PIEZO1: variants seen among roughly 807,000 people sequenced by gnomAD.
PIEZO1 encodes piezo type mechanosensitive ion channel component 1 (Er blood group).
In PIEZO1, 296 loss-of-function variants were observed where a neutral mutation model predicts 297.2. The ratio of observed to expected loss-of-function variants is 1.00; its 90% CI spans 0.91 to 1.10. PIEZO1 has a LOEUF of 1.10. PIEZO1 is among the 50% of genes least tolerant of loss of function. The probability of loss-of-function intolerance (pLI) is 0.00; values close to 1 mark genes in which losing one functional copy is unlikely to be tolerated. For missense variants in PIEZO1, 5,018 were observed against 3,455.5 expected, an observed-to-expected ratio of 1.45 and a Z score of -11.34; for synonymous variants, 2,427 against 1,507.5, an observed-to-expected ratio of 1.61 and a Z score of -14.13.
At chr16:88,723,671 G>C (rs757434503) in intron 31 of PIEZO1, among the ~76,000 whole-genome samples, 200 bp downstream of exon 31, 2 of 152,276 alleles carry the variant, frequency 1.3e-5, no homozygotes, top group Non-Finnish European at 2.9e-5. Flanking sequence ...CCGTGGGGCA[G>C]CAGGCTACAC....
At chr16:88,757,327 T>TTTGGGGGGGGGGGGGG (rs1906720153) in intron 1 of PIEZO1, among the ~76,000 whole-genome samples, 1 of 42,700 alleles carries the variant, frequency 2.3e-5, no homozygotes, top group Non-Finnish European at 5.2e-5. Flanking sequence ...GGCGGGGGGG[T>TTTGGGGGGGGGGGGGG]GGGGGGTAGT....
chr16:88,741,566 A>G lies in PIEZO1; in HGVS notation c.377T>C (p.Leu126Pro). 6.5e-7 allele frequency: 1 copy of G among 1,535,656 alleles called. No individual in the cohort carries two copies. Among genetic ancestry groups the G allele is most frequent in the Non-Finnish European group, 8.7e-7 (1 of 1,146,748 alleles). The change falls in exon 5 of 51, where the codon CTG becomes CCG. Residue 126 changes from leucine to proline, a missense_variant. By Grantham distance (98) the Leu-to-Pro change is moderately conservative. Transcript: ENST00000301015. ...PNAIRLVAPDLGILVVSSVCL... is the reference protein window; with the variant it reads ...PNAIRLVAPDPGILVVSSVCL... ...GACAGAGGAGACCACCAAGATGCCC[A>G]GGTCAGGGGCCACCAGCCGGATGGC... is the stretch of plus-strand genomic sequence containing the variant.
Position 88,734,496 on chromosome 16 carries a change from G to A in PIEZO1, c.2040C>T (p.Leu680=), listed in dbSNP as rs761259080. ...LGLEQFSVSE[L]FSSILVPGFF... ...AGCCGGGCACCAGGATGCTGGAGAAGAGCTCGGACACGCTGAACTGCTCCA... is the reference window on the plus strand; with the variant it reads ...AGCCGGGCACCAGGATGCTGGAGAAAAGCTCGGACACGCTGAACTGCTCCA... The change falls in exon 16 of 51, where the codon CTC becomes CTT. Residue 680 remains leucine, a synonymous_variant. Coordinates refer to ENST00000301015, the MANE Select transcript of PIEZO1 (RefSeq NM_001142864.4). 1 of 1,548,986 alleles carries A rather than the reference G, an allele frequency of 6.5e-7. No individual in the cohort carries two copies. The highest frequency in any genetic ancestry group is 8.7e-7 in the Non-Finnish European group (1 of 1,146,300).
intron 2 of PIEZO1, 70 bp from the exon 3 acceptor site, chr16:88,742,492 G>C: frequency 6.8e-7 from 1 of 1,477,872 alleles, no homozygotes. Context: ...CCGCTCAGCC[G>C]GACAATAGCC....
chr16:88,720,564 T>TTGCCCCCCCCCCCC, intron 40 of PIEZO1, 32 bp from the exon 41 acceptor site: 2 of 1,542,066 alleles, frequency 1.3e-6, no homozygotes, highest in South Asian at 1.2e-5. Context: ...CTGGGCCCAG[T>TTGCCCCCCCCCCCC]ACCCGCCTCC....
At position 88,715,871 on chromosome 16, in the gene PIEZO1, T is replaced by C; in HGVS notation, c.7317-17A>G. 1 of 1,548,598 alleles carries C rather than the reference T, an allele frequency of 6.5e-7. No homozygotes were observed. Among genetic ancestry groups the C allele is most frequent in the Non-Finnish European group, 8.7e-7 (1 of 1,145,804 alleles). On this transcript the variant is annotated splice_polypyrimidine_tract_variant and intron_variant, in intron 50 of 50. Coordinates refer to ENST00000301015, the MANE Select transcript of PIEZO1 (RefSeq NM_001142864.4). Reference sequence around the variant, plus strand: ...CCCATGATGCTGCGGGGGAAGCTGGTGAGTCCTGGGGCCGCCCGGAGCCCC... The same window carrying C: ...CCCATGATGCTGCGGGGGAAGCTGGCGAGTCCTGGGGCCGCCCGGAGCCCC...
rs1383996560 is a variant in PIEZO1 at position 88,734,463 on chromosome 16, G to A, written c.2073C>T (p.Leu691=). Residue 691 remains leucine (L), a synonymous_variant, in exon 16 of 51, where the codon CTC becomes CTT. Transcript: ENST00000301015. Reference sequence around the variant, plus strand: ...AGTGCAGCTGCAGGATGCAGGCCAGGAGGAAGAAGCCGGGCACCAGGATGC... The same window carrying A: ...AGTGCAGCTGCAGGATGCAGGCCAGAAGGAAGAAGCCGGGCACCAGGATGC... ...FSSILVPGFF[L]LACILQLHYF... 2.6e-6 allele frequency: 4 copies of A among 1,549,990 alleles called. No individual in the cohort carries two copies. The highest frequency in any genetic ancestry group is 2.0e-5 in the Admixed American group (1 of 51,008).
At chr16:88,771,408 G>A (rs1242373755) in intron 1 of PIEZO1, among the ~76,000 whole-genome samples, 3 of 152,186 alleles carry the variant, frequency 2.0e-5, no homozygotes, top group South Asian at 2.1e-4. Context: ...CAGGCCAGGC[G>A]GGGCTCCCAT....
chr16:88,775,792 G>A lies in PIEZO1; in HGVS notation c.64+9109C>T, dbSNP rs374810561. Among the ~76,000 whole-genome samples the A allele has an allele frequency of 1.5e-4, 23 of 152,076 alleles. No individual in the cohort carries two copies. In the East Asian group the frequency reaches 2.1e-3, roughly 14 times the overall value. ...AGGGCAGGACAGGAGTGGCAGCCAA[G>A]GGTAGGGAGAGTATGTGCAGGAGGC... On this transcript the variant is annotated intron_variant, in intron 1 of 50. Transcript: ENST00000301015.
chr16:88,716,429 G>A lies in PIEZO1; in HGVS notation c.6981C>T (p.Ala2327=). Residue 2327 remains alanine (A), a synonymous_variant, in exon 48 of 51, where the codon GCC becomes GCT. Coordinates refer to ENST00000301015, the MANE Select transcript of PIEZO1 (RefSeq NM_001142864.4). ...VEYANEKHML[A]LAPNSTARRQ... is the part of the protein sequence containing the mutation. ...GCCGTGCAGTGCTGTTGGGGGCCAG[G>A]GCCAGCATGTGCTTCTCGTTGGCAT... 6.5e-7 allele frequency: 1 copy of A among 1,549,810 alleles called. No homozygotes were observed. Among genetic ancestry groups the A allele is most frequent in the African/African-American group, 1.4e-5 (1 of 73,182 alleles).
chr16:88,715,365 CATTTTTTAATTAAAA>C lies in PIEZO1; in HGVS notation c.*225_*239del, dbSNP rs1911905137. ...TGATTGTCCATTTGTATAAATAAAA[CATTTTTTAATTAAAA>C]AAAAAACTCTACAGTACACGTGGGG... On this transcript the variant is annotated 3_prime_UTR_variant, in exon 51 of 51. Coordinates refer to ENST00000301015, the MANE Select transcript of PIEZO1 (RefSeq NM_001142864.4). 3.3e-6 allele frequency: 4 copies of C among 1,206,306 alleles called. No homozygotes were observed. Among genetic ancestry groups the C allele is most frequent in the Non-Finnish European group, 4.6e-6 (4 of 876,584 alleles). The allele number at this position is 1,206,306 out of a possible 1,614,324, so 74.7% of individuals were successfully genotyped here. A position where few individuals can be genotyped will look rare whatever the true frequency, so the allele number is the denominator to read the frequency against.
rs769413041 is a variant in PIEZO1 at position 88,717,223 on chromosome 16, C to T, written c.6472-12G>A. ...GGCTGCGGGTATTTCTGGAGGGGAA[C>T]GACACAGGTCATACGCTCAGCTCTG... is the stretch of plus-strand genomic sequence containing the variant. On this transcript the variant is annotated splice_polypyrimidine_tract_variant and intron_variant, in intron 44 of 50. Transcript: ENST00000301015. 5.0e-5 allele frequency: 77 copies of T among 1,545,390 alleles called. No homozygotes were observed. Among genetic ancestry groups the T allele is most frequent in the Admixed American group, 1.4e-4 (7 of 50,976 alleles).
intron 10 of PIEZO1, 37 bp downstream of exon 10, chr16:88,737,522 C>CG: frequency 2.1e-6 from 3 of 1,436,882 alleles, no homozygotes; most frequent in East Asian, 2.5e-5. Flanking sequence ...GCCCCGCCCC[C>CG]CGCACCCAGC....
chr16:88,730,819 A>C (rs1904752506), intron 22 of PIEZO1, among the ~76,000 whole-genome samples: 1 of 152,216 alleles, frequency 6.6e-6, no homozygotes, highest in South Asian at 2.1e-4. Flanking sequence ...CGGATGACAG[A>C]ATTCTTGGAA....
In PIEZO1 at chr16:88,721,381, T is replaced by C; in HGVS notation, c.5453A>G (p.Asp1818Gly). The stretch of plus-strand genomic sequence containing the variant: ...TCCCTGCTCCTCCTCGCCGCTCTTG[T>C]CATGCTCCTTGGATGGTGAGTCCTC... ...HEEDSPSKEH[D>G]KSGEEEQGAE... The change falls in exon 39 of 51, where the codon GAC (aspartate) becomes GGC (glycine). Residue 1818 changes from aspartate (D) to glycine (G), a missense_variant. Transcript: ENST00000301015. The C allele has an allele frequency of 1.3e-6, 2 of 1,549,858 alleles. No homozygotes were observed. Among genetic ancestry groups the C allele is most frequent in the South Asian group, 1.2e-5 (1 of 84,042 alleles).
chr16:88,726,560 C>A lies in PIEZO1; in HGVS notation c.3783G>T (p.Lys1261Asn). 1 of 1,550,106 alleles carries A rather than the reference C, an allele frequency of 6.5e-7. No homozygotes were observed. Among genetic ancestry groups the A allele is most frequent in the Non-Finnish European group, 8.7e-7 (1 of 1,146,828 alleles). ...CTGGCCACTCACGGTCATAGTAGCC[C>A]TTGACGGTGCATACAAGGCTGAAGA... ...IQLFSLVCTV[K>N]GYYDPKEMMD... The change falls in exon 26 of 51, where the codon AAG (lysine) becomes AAT (asparagine). Residue 1261 changes from lysine (K) to asparagine (N), a missense_variant. By Grantham distance (94) the Lys-to-Asn change is moderately conservative (BLOSUM62 0). Coordinates refer to ENST00000301015, the MANE Select transcript of PIEZO1 (RefSeq NM_001142864.4).
intron 1 of PIEZO1, among the ~76,000 whole-genome samples, chr16:88,783,863 C>G (rs970295102): frequency 6.6e-6 from 1 of 152,274 alleles, no homozygotes; most frequent in Non-Finnish European, 1.5e-5. Flanking sequence ...AAAGCTAGCG[C>G]TGGGCGAGCT....
In PIEZO1 at chr16:88,785,096, TCTC is replaced by T; in HGVS notation, c.-135_-133del. On this transcript the variant is annotated 5_prime_UTR_variant, in exon 1 of 51. Coordinates refer to ENST00000301015, the MANE Select transcript of PIEZO1 (RefSeq NM_001142864.4). ...CGCGCCGCCTTCTCCTCTTCCTCCT[TCTC>T]CTTCGGCCGCCCCGCCGGTGCCGAC... 8.7e-6 allele frequency: 4 copies of T among 459,164 alleles called. No homozygotes were observed. Among genetic ancestry groups the T allele is most frequent in the Non-Finnish European group, 1.3e-5 (4 of 307,610 alleles). The allele number at this position is 459,164 out of a possible 1,614,324, so 28.4% of individuals were successfully genotyped here. A position where few individuals can be genotyped will look rare whatever the true frequency, so the allele number is the denominator to read the frequency against.
intron 1 of PIEZO1, among the ~76,000 whole-genome samples, chr16:88,750,411 G>T (rs1346275575): frequency 1.3e-5 from 2 of 152,262 alleles, no homozygotes; most frequent in African/African-American, 4.8e-5. Flanking sequence ...CACGTATGGG[G>T]CAGTGGGACA....
Sources: gnomAD v4.1 joint callset for allele counts (sites outside exome capture counted in the v4.1 genomes callset) on GRCh38, gnomAD v4.1.1 for gene constraint, MANE v1.5 for transcripts, NCBI Gene and HGNC (gene_info 2026-07-23, HGNC 2026-07-21) for gene names.